Variants in MS4A6E observed in about 807,000 individuals in gnomAD.
MS4A6E encodes membrane spanning 4-domains A6E.
In MS4A6E, 8 loss-of-function variants were observed where a neutral mutation model predicts 13.2. That is an observed-to-expected ratio of 0.60 (90% CI 0.35 to 1.09). The LOEUF is 1.09. MS4A6E is among the 50% of genes least tolerant of loss of function. The pLI is 0.02. For synonymous variants in MS4A6E, 72 were observed against 67.6 expected (o/e 1.06, Z -0.32); for missense variants, 177 against 171.1 (o/e 1.03, Z -0.19).
rs191640519 is a variant in MS4A6E, at chr11:60,335,736, T to C, written c.147+694T>C. On this transcript the variant is annotated intron_variant, in intron 2 of 4. Coordinates refer to ENST00000684409, the MANE Select transcript of MS4A6E (RefSeq NM_139249.4). ...ACAATCATATGGGTTTCTATGAGGCTCAGGTGACAAAAGGTCTAGGAAACT... is the reference window on the plus strand; with the variant it reads ...ACAATCATATGGGTTTCTATGAGGCCCAGGTGACAAAAGGTCTAGGAAACT... 1.8e-3 allele frequency: 627 copies of C among 356,474 alleles called. 6 individuals are homozygous for C. The highest frequency in any genetic ancestry group is 0.013 in the African/African-American group (582 of 46,366). 22.1% of individuals were successfully genotyped at this position (356,474 alleles called of 1,614,324 possible).
At chr11:60,346,140 G>A (rs2085255335), downstream of MS4A6E, among the ~76,000 whole-genome samples, 1 of 152,110 alleles carries the variant, frequency 6.6e-6, no homozygotes, top group African/African-American at 2.4e-5. Context: ...CTGTCTCTGG[G>A]AGCAGTCTGA....
Position 60,337,937 on chromosome 11 carries a change from C to A in MS4A6E, c.344C>A (p.Ala115Asp), listed in dbSNP as rs753091651. Residue 115 changes from alanine to aspartate, a missense_variant, in exon 3 of 5, where the codon GCC becomes GAC. By Grantham distance (126) the Ala-to-Asp change is moderately radical. Transcript: ENST00000684409. ...PYTMDCHRAK[A>D]SLAGTLSLML... ...ACCATGGACTGCCATAGAGCCAAAG[C>A]CAGTCTGGCTGTAAGTATTTTTTAG... 60 of 1,613,870 alleles carry A rather than the reference C, an allele frequency of 3.7e-5. No homozygotes were observed. In the Admixed American group the frequency reaches 9.7e-4, roughly 26 times the overall value.
chr11:60,345,441 G>A (rs752020562), downstream of MS4A6E, among the ~76,000 whole-genome samples: 11 of 152,196 alleles, frequency 7.2e-5, no homozygotes, highest in Admixed American at 4.6e-4. Context: ...TTTGAAAGAC[G>A]TCATTTAGAG....
intron 1 of MS4A6E, among the ~76,000 whole-genome samples, chr11:60,333,986 C>T (rs552923518): frequency 6.6e-6 from 1 of 152,180 alleles, no homozygotes; most frequent in Non-Finnish European, 1.5e-5. Context: ...CTCTTTCACC[C>T]TGATACAGTG....
rs765197157 is a variant in MS4A6E, at chr11:60,335,049, C to T, written c.147+7C>T. The T allele has an allele frequency of 1.9e-6, 3 of 1,613,788 alleles. No individual in the cohort carries two copies. In the African/African-American group the frequency reaches 4.0e-5, roughly 22 times the overall value. On this transcript the variant is annotated splice_region_variant and intron_variant, in intron 2 of 4. Coordinates refer to ENST00000684409, the MANE Select transcript of MS4A6E (RefSeq NM_139249.4). ...AAAAGTCAAAGTTATTGGGGTAAAT[C>T]TAATTCAGAACATGTTGGAGAGGGG...
chr11:60,334,668 T>C (rs2085176951), intron 1 of MS4A6E, among the ~76,000 whole-genome samples: 1 of 152,188 alleles, frequency 6.6e-6, no homozygotes, highest in Admixed American at 6.5e-5. Flanking sequence ...CACCCTGTGA[T>C]GTGTTTATTA....
chr11:60,337,443 C>A (rs2085194660), intron 2 of MS4A6E, among the ~76,000 whole-genome samples: 1 of 152,110 alleles, frequency 6.6e-6, no homozygotes, highest in African/African-American at 2.4e-5. Flanking sequence ...TCCAGGCAAG[C>A]CTCGTGGGCC....
chr11:60,338,868 G>C (rs1303768185), intron 3 of MS4A6E, among the ~76,000 whole-genome samples: 1 of 152,148 alleles, frequency 6.6e-6, no homozygotes, highest in Non-Finnish European at 1.5e-5. Context: ...CAAGGTAATG[G>C]TATAATGAGG....
At chr11:60,345,426 C>T (rs1213574619), downstream of MS4A6E, among the ~76,000 whole-genome samples, 2 of 152,146 alleles carry the variant, frequency 1.3e-5, no homozygotes, top group Admixed American at 1.3e-4. Context: ...GAGAGAGAGA[C>T]ACACTTTGAA....
chr11:60,337,398 G>A (rs1354927808), intron 2 of MS4A6E, among the ~76,000 whole-genome samples: 3 of 152,118 alleles, frequency 2.0e-5, no homozygotes, highest in Non-Finnish European at 4.4e-5. Flanking sequence ...CTGGTACATT[G>A]CCACCTTTGC....
rs76630615 is a variant in MS4A6E, at chr11:60,332,227, T to C, written c.-14-2655T>C. Among the ~76,000 whole-genome samples, 977 of 152,338 alleles carry C rather than the reference T, an allele frequency of 6.4e-3. 10 individuals are homozygous for C. The highest frequency in any genetic ancestry group is 0.022 in the African/African-American group (911 of 41,574). ...AGTATCCATTAAATTTGTCATCTCA[T>C]CCTCTATTCTCAGCCTAAATGTATT... On this transcript the variant is annotated intron_variant, in intron 1 of 4. Transcript: ENST00000684409.
At chr11:60,327,977 C>A (rs1343634582) in intron 1 of MS4A6E, among the ~76,000 whole-genome samples, 1 of 141,762 alleles carries the variant, frequency 7.1e-6, no homozygotes, top group African/African-American at 2.7e-5. Context: ...TTGCCATGAG[C>A]CAAGATCGCA....
chr11:60,333,980 T>C (rs10750935), intron 1 of MS4A6E, among the ~76,000 whole-genome samples: 56,136 of 152,072 alleles, frequency 0.37, 10,827 homozygotes, highest in East Asian at 0.41. Flanking sequence ...CCTGGCCTCT[T>C]TCACCCTGAT....
At chr11:60,339,117 T>A (rs1424806176) in intron 3 of MS4A6E, among the ~76,000 whole-genome samples, 1 of 152,214 alleles carries the variant, frequency 6.6e-6, no homozygotes, top group African/African-American at 2.4e-5. Context: ...CAAAAGTTCA[T>A]GTGATCAAAT....
At chr11:60,333,499 C>T (rs941687337) in intron 1 of MS4A6E, among the ~76,000 whole-genome samples, 5 of 152,060 alleles carry the variant, frequency 3.3e-5, no homozygotes, top group Non-Finnish European at 7.4e-5. Flanking sequence ...TGAGAGGTAT[C>T]ATGGAATGGA....
Position 60,327,389 on chromosome 11 carries a change from G to A in MS4A6E, c.-34G>A, listed in dbSNP as rs1055799122. On this transcript the variant is annotated 5_prime_UTR_variant, in exon 1 of 5. Coordinates refer to ENST00000684409, the MANE Select transcript of MS4A6E (RefSeq NM_139249.4). ...CTGAACCTGTGGCACCTTGATCGTG[G>A]ACTTCTCAGTTCCAAAACTGTGAGA... 6.6e-6 allele frequency among the ~76,000 whole-genome samples: 1 copy of A among 152,164 alleles called. No individual in the cohort carries two copies. The highest frequency in any genetic ancestry group is 6.5e-5 in the Admixed American group (1 of 15,278).
In MS4A6E at chr11:60,337,892, A is replaced by C. The variant is rs138903289; in HGVS notation, c.299A>C (p.Tyr100Ser). 4.3e-4 allele frequency: 696 copies of C among 1,614,240 alleles called. 2 individuals are homozygous for C. The East Asian group carries it at 0.014, about 33-fold the overall frequency. The change falls in exon 3 of 5, where the codon TAT becomes TCT. Residue 100 changes from tyrosine to serine, a missense_variant. Transcript: ENST00000684409. The part of the protein sequence containing the change: ...KDIPTRLLLS[Y>S]DYHSPYTMDC... Reference sequence around the variant, plus strand: ...ATACCAACCAGACTTCTTCTTTCTTATGATTATCATTCACCTTACACCATG... The same window carrying C: ...ATACCAACCAGACTTCTTCTTTCTTCTGATTATCATTCACCTTACACCATG...
At chr11:60,338,092 G>A (rs752024437) in intron 3 of MS4A6E, 145 bp downstream of exon 3, 49 of 716,578 alleles carry the variant, frequency 6.8e-5, no homozygotes, top group Non-Finnish European at 8.2e-5. Context: ...TCAAAGGGGG[G>A]CTGCATGGAT....
downstream of MS4A6E, among the ~76,000 whole-genome samples, chr11:60,342,143 A>G (rs866817878): frequency 1.5e-5 from 2 of 129,778 alleles, no homozygotes; most frequent in African/African-American, 6.3e-5. Context: ...GAGGATAAAC[A>G]AGTGTGTGTG....
Sources: allele counts gnomAD v4.1 joint callset (sites outside exome capture counted in the v4.1 genomes callset), GRCh38; gene constraint gnomAD v4.1.1; transcripts MANE v1.5; gene names NCBI Gene and HGNC (gene_info 2026-07-23, HGNC 2026-07-21).